Variants in ALOX12 observed in about 807,000 individuals in gnomAD.
ALOX12 encodes polyunsaturated fatty acid lipoxygenase ALOX12.
Under a neutral mutation model 85.5 loss-of-function variants are expected in ALOX12, and 62 were observed. The ratio of observed to expected loss-of-function variants is 0.73; its 90% CI spans 0.59 to 0.90. ALOX12 has a LOEUF of 0.90. Ranked by LOEUF, ALOX12 falls within the 40% of genes least tolerant of loss-of-function variation. The pLI is 0.00. For missense variants in ALOX12, 751 were observed against 856.5 expected, an observed-to-expected ratio of 0.88 and a Z score of 1.54; for synonymous variants, 299 against 332.7, an observed-to-expected ratio of 0.90 and a Z score of 1.10.
At chr17:7,008,637 T>C (rs929615285) in intron 11 of ALOX12, among the ~76,000 whole-genome samples, 4 of 151,902 alleles carry the variant, frequency 2.6e-5, no homozygotes, top group Admixed American at 1.3e-4. Flanking sequence ...TCCCAGCTAC[T>C]TGGGAGGCTG....
intron 8 of ALOX12, among the ~76,000 whole-genome samples, chr17:7,004,089 T>TTTTAATTTAATATTTAATTAAATTAAA (rs1567718964): frequency 2.1e-5 from 3 of 142,904 alleles, no homozygotes; most frequent in African/African-American, 7.6e-5. Flanking sequence ...AAAATTAAAA[T>TTTTAATTTAATATTTAATTAAATTAAA]TTTAATTTAA....
chr17:6,999,115 C>T, intron 5 of ALOX12, 59 bp downstream of exon 5: 1 of 1,544,652 alleles, frequency 6.5e-7, no homozygotes, highest in Non-Finnish European at 8.9e-7. Flanking sequence ...TGACTCATCA[C>T]ACTCCACAGT....
At chr17:6,998,443 T>C (rs1405184497) in intron 2 of ALOX12, 66 bp from the exon 3 acceptor site, 1 of 1,048,834 alleles carries the variant, frequency 9.5e-7, no homozygotes, top group Non-Finnish European at 1.5e-6. Flanking sequence ...CACAGGGAGA[T>C]GAGGACAAGA....
At position 7,010,120 on chromosome 17, in the gene ALOX12, A is replaced by T; in HGVS notation, c.1806A>T (p.Pro602=). 1 of 1,611,128 alleles carries T rather than the reference A, an allele frequency of 6.2e-7. No individual in the cohort carries two copies. The highest frequency in any genetic ancestry group is 8.5e-7 in the Non-Finnish European group (1 of 1,178,132). The stretch of plus-strand genomic sequence containing the variant: ...CATGGCATCTGAGTCGCCGCCAGCC[A>T]GACATGGTGAGAGGGGACTCTCGGG... The part of the protein sequence containing the change: ...AISWHLSRRQ[P]DMVPLGHHKE... The change falls in exon 13 of 14, where the codon CCA becomes CCT. Residue 602 remains proline, a synonymous_variant. Coordinates refer to ENST00000251535, the MANE Select transcript of ALOX12 (RefSeq NM_000697.3).
rs1491546294 is a variant in ALOX12, at chr17:7,006,059, C to CGGGGGGGG, written c.1418+32_1418+33insGGGGGGGG. 47 of 135,680 alleles carry CGGGGGGGG rather than the reference C, an allele frequency of 3.5e-4. 6 individuals carry two copies. The highest frequency in any genetic ancestry group is 2.7e-3 in the East Asian group (7 of 2,612). 8.4% of individuals were successfully genotyped at this position (135,680 alleles called of 1,614,324 possible). A position where few individuals can be genotyped will look rare whatever the true frequency, so the allele number is the denominator to read the frequency against. ...AAGGAGGAGCTGAGAAATGGTGGGGCCGGGGGGGGGGGGGGCTCTGGCCTG... is the reference window on the plus strand; with the variant it reads ...AAGGAGGAGCTGAGAAATGGTGGGGCGGGGGGGGCGGGGGGGGGGGGGGCTCTGGCCTG... On this transcript the variant is annotated intron_variant, in intron 10 of 13. Transcript: ENST00000251535.
In ALOX12 at chr17:7,006,576, G is replaced by C; in HGVS notation, c.1509G>C (p.Thr503=). 6.2e-7 allele frequency: 1 copy of C among 1,612,314 alleles called. No individual in the cohort carries two copies. Among genetic ancestry groups the C allele is most frequent in the Non-Finnish European group, 8.5e-7 (1 of 1,179,026 alleles). The change falls in exon 11 of 14, where the codon ACG becomes ACC. Residue 503 remains threonine, a synonymous_variant. Coordinates refer to ENST00000251535, the MANE Select transcript of ALOX12 (RefSeq NM_000697.3). ...PELQAWCREI[T]EVGLCQAQDR... is the part of the protein sequence containing the mutation. ...TGCAGGCCTGGTGTCGGGAGATCAC[G>C]GAGGTGGGGCTGTGCCAGGCCCAGG... is the stretch of plus-strand genomic sequence containing the variant.
Position 6,999,434 on chromosome 17 carries a change from G to C in ALOX12, c.775G>C (p.Glu259Gln). 4.3e-6 allele frequency: 7 copies of C among 1,614,182 alleles called. No individual in the cohort carries two copies. Among genetic ancestry groups the C allele is most frequent in the Non-Finnish European group, 5.9e-6 (7 of 1,180,018 alleles). The change falls in exon 6 of 14, where the codon GAG becomes CAG. Residue 259 changes from glutamate to glutamine, a missense_variant. By Grantham distance (29) the Glu-to-Gln change is conservative. Coordinates refer to ENST00000251535, the MANE Select transcript of ALOX12 (RefSeq NM_000697.3). ...GCTAGTGCTGCCCTCGGGGATGGAA[G>C]AGCTTCAGGCTCAACTGGAGAAAGA... is the stretch of plus-strand genomic sequence containing the variant. ...SRLVLPSGME[E>Q]LQAQLEKELQ... is the part of the protein sequence containing the mutation.
chr17:7,008,925 ATTAT>A (rs1238429518), intron 11 of ALOX12, among the ~76,000 whole-genome samples: 1 of 152,082 alleles, frequency 6.6e-6, no homozygotes, highest in African/African-American at 2.4e-5. Context: ...GCATTCCTAA[ATTAT>A]TTATTTATTT....
chr17:7,005,889 A>G lies in ALOX12; in HGVS notation c.1280A>G (p.Gln427Arg), dbSNP rs1404039800. ...AGCACAGGTGGAGGGGGCCATGTAC[A>G]GTTGCTCCGTCGGGCGGCAGCTCAG... ...AVSTGGGGHV[Q>R]LLRRAAAQLT... Residue 427 changes from glutamine (Q) to arginine (R), a missense_variant, in exon 10 of 14, where the codon CAG becomes CGG. Transcript: ENST00000251535. 2.5e-6 allele frequency: 4 copies of G among 1,613,124 alleles called. No homozygotes were observed. The highest frequency in any genetic ancestry group is 2.2e-5 in the South Asian group (2 of 91,056).
chr17:7,005,823 T>C (rs1314461273), intron 9 of ALOX12, 35 bp from the exon 10 acceptor site: 9 of 1,595,204 alleles, frequency 5.6e-6, no homozygotes, highest in Admixed American at 1.7e-5. Context: ...TCCAGCCCTG[T>C]TTCCCCCTCT....
chr17:7,000,524 T>C lies in ALOX12; in HGVS notation c.951+45T>C, dbSNP rs1200184584. Reference sequence around the variant, plus strand: ...CCCACAACGTTGCACTCTGTTCACCTCAACCTCTGCTCCCAGGGACCCAAC... The same window carrying C: ...CCCACAACGTTGCACTCTGTTCACCCCAACCTCTGCTCCCAGGGACCCAAC... On this transcript the variant is annotated intron_variant, in intron 7 of 13. Coordinates refer to ENST00000251535, the MANE Select transcript of ALOX12 (RefSeq NM_000697.3). The surrounding 1 kb of genome is among the most constrained non-coding windows in gnomAD (Gnocchi z 4.6). 2 of 1,601,806 alleles carry C rather than the reference T, an allele frequency of 1.2e-6. No homozygotes were observed. Among genetic ancestry groups the C allele is most frequent in the South Asian group, 2.2e-5 (2 of 90,220 alleles).
chr17:7,009,857 GC>G lies in ALOX12; in HGVS notation c.1641+11del. 1 of 1,614,158 alleles carries G rather than the reference GC, an allele frequency of 6.2e-7. No individual in the cohort carries two copies. The highest frequency in any genetic ancestry group is 8.5e-7 in the Non-Finnish European group (1 of 1,179,964). ...CATCAACCAGGGCCAGGTATGGACAGCTGAAAGCCCAGGTCCCTGAAGGCAA... is the reference window on the plus strand; with the variant it reads ...CATCAACCAGGGCCAGGTATGGACAGTGAAAGCCCAGGTCCCTGAAGGCAA... On this transcript the variant is annotated intron_variant, in intron 12 of 13. Coordinates refer to ENST00000251535, the MANE Select transcript of ALOX12 (RefSeq NM_000697.3).
intron 6 of ALOX12, 176 bp downstream of exon 6, chr17:6,999,642 C>T (rs1908615266): frequency 1.6e-6 from 1 of 640,862 alleles, no homozygotes. Flanking sequence ...ATGAGGAGCT[C>T]CCAGCAGGAA....
chr17:7,007,277 G>C (rs946537297), intron 11 of ALOX12, among the ~76,000 whole-genome samples: 13 of 152,148 alleles, frequency 8.5e-5, no homozygotes, highest in Non-Finnish European at 1.9e-4. Context: ...TTGAACCTCT[G>C]AGGAAGAAAA....
chr17:7,004,918 C>G (rs992599495), intron 8 of ALOX12, among the ~76,000 whole-genome samples: 1 of 152,184 alleles, frequency 6.6e-6, no homozygotes, highest in Admixed American at 6.5e-5. Flanking sequence ...TAGACACTCT[C>G]CAACATCACT....
chr17:7,009,543 A>G, intron 11 of ALOX12: 1 of 550,150 alleles, frequency 1.8e-6, no homozygotes, highest in Non-Finnish European at 3.3e-6. Context: ...CAGGTGAAAA[A>G]AACTGAGGTT....
intron 11 of ALOX12, among the ~76,000 whole-genome samples, chr17:7,007,559 T>C (rs1318193927): frequency 6.6e-6 from 1 of 152,136 alleles, no homozygotes; most frequent in Non-Finnish European, 1.5e-5. Flanking sequence ...CTCAGTACAG[T>C]CCCTTAGGCT....
chr17:7,004,326 ATT>A (rs1908910546), intron 8 of ALOX12, among the ~76,000 whole-genome samples: 2 of 101,382 alleles, frequency 2.0e-5, no homozygotes, highest in East Asian at 6.0e-4. Flanking sequence ...TTTAATATTA[ATT>A]TAATATTAAA....
At chr17:6,997,202 A>C (rs1430857107) in intron 2 of ALOX12, 175 bp downstream of exon 2, 1 of 943,378 alleles carries the variant, frequency 1.1e-6, no homozygotes, top group African/African-American at 1.8e-5. Context: ...TGAATTCCCA[A>C]AGTTTTACAC....
Sources: gnomAD v4.1 joint callset for allele counts (sites outside exome capture counted in the v4.1 genomes callset) on GRCh38, gnomAD v4.1.1 for gene constraint, Gnocchi (gnomAD v3.1) non-coding constraint, MANE v1.5 for transcripts, NCBI Gene and HGNC (gene_info 2026-07-23, HGNC 2026-07-21) for gene names.